The following TBCK variants were observed in gnomAD, a reference collection of about 807,000 sequenced individuals.
TBCK encodes the protein TBC domain-containing protein kinase-like protein.
In TBCK, 99 loss-of-function variants were observed where a neutral mutation model predicts 113.4. The observed-to-expected ratio is 0.87, with a 90% confidence interval of 0.74 to 1.03. The LOEUF (loss-of-function observed/expected upper bound fraction) is 1.03, where lower values mean the gene tolerates loss of function less well. Ranked by LOEUF, TBCK falls within the 50% of genes least tolerant of loss-of-function variation. The probability of loss-of-function intolerance (pLI) is 0.00; values close to 1 mark genes in which losing one functional copy is unlikely to be tolerated. For missense variants in TBCK, 1,045 were observed against 1,061.3 expected (o/e 0.98, Z 0.21); for synonymous variants, 369 against 370.8 (o/e 1.00, Z 0.05).
chr4:106,170,944 G>A, intron 23 of TBCK, 151 bp downstream of exon 23: 1 of 608,702 alleles, frequency 1.6e-6, no homozygotes, highest in Non-Finnish European at 2.6e-6. Context: ...TGGTTTTCTG[G>A]AATATTTCTA....
At chr4:106,051,256 A>G (rs1316785367) in intron 25 of TBCK, among the ~76,000 whole-genome samples, 1 of 151,868 alleles carries the variant, frequency 6.6e-6, no homozygotes, top group Non-Finnish European at 1.5e-5. Flanking sequence ...GGAAACTAAG[A>G]AAGTTTGGGG....
chr4:106,056,772 A>T (rs1209620174), intron 25 of TBCK, among the ~76,000 whole-genome samples: 1 of 150,454 alleles, frequency 6.6e-6, no homozygotes, highest in Non-Finnish European at 1.5e-5. Flanking sequence ...GTCCTTAAGC[A>T]AAGTAAGTCA....
chr4:106,287,928 T>C (rs1350042292), intron 3 of TBCK, among the ~76,000 whole-genome samples: 1 of 152,100 alleles, frequency 6.6e-6, no homozygotes, highest in African/African-American at 2.4e-5. Context: ...TTTATTGTTG[T>C]TTTAAGCCAC....
chr4:106,242,591 T>G, intron 11 of TBCK, 22 bp from the exon 12 acceptor site: 155 of 1,471,042 alleles, frequency 1.1e-4, no homozygotes, highest in Non-Finnish European at 1.4e-4. Flanking sequence ...TTTTTAAAAA[T>G]AATATGTACA....
intron 22 of TBCK, among the ~76,000 whole-genome samples, chr4:106,187,510 A>G (rs1338010440): frequency 6.6e-6 from 1 of 151,676 alleles, no homozygotes; most frequent in African/African-American, 2.4e-5. Context: ...TCTGCTTCCC[A>G]GGTTCAAGCT....
At chr4:106,112,841 A>C (rs1434093255) in intron 24 of TBCK, among the ~76,000 whole-genome samples, 2 of 152,186 alleles carry the variant, frequency 1.3e-5, no homozygotes, top group African/African-American at 4.8e-5. Flanking sequence ...TTTTTCCACC[A>C]AAACTGGAGA....
At chr4:106,314,774 G>A (rs1355460577) in intron 1 of TBCK, among the ~76,000 whole-genome samples, 9 of 151,400 alleles carry the variant, frequency 5.9e-5, no homozygotes, top group African/African-American at 1.9e-4. Context: ...ACAGGCGCCC[G>A]CCACCACGCC....
chr4:106,119,703 C>T (rs2149580282), intron 23 of TBCK, among the ~76,000 whole-genome samples: 1 of 152,178 alleles, frequency 6.6e-6, no homozygotes, highest in South Asian at 2.1e-4. Flanking sequence ...GCAAAGAAAA[C>T]AATAAACTCA....
intron 2 of TBCK, among the ~76,000 whole-genome samples, chr4:106,307,174 A>G (rs1053764735): frequency 6.6e-6 from 1 of 152,132 alleles, no homozygotes; most frequent in African/African-American, 2.4e-5. Context: ...ACAATCTTTC[A>G]AAAAATAATA....
At chr4:106,272,962 C>T (rs960242066) in intron 3 of TBCK, among the ~76,000 whole-genome samples, 1 of 152,126 alleles carries the variant, frequency 6.6e-6, no homozygotes, top group African/African-American at 2.4e-5. Context: ...CATTGAATAA[C>T]CTGGTATTTC....
chr4:106,305,522 T>G (rs1767425599), intron 2 of TBCK, among the ~76,000 whole-genome samples: 1 of 151,944 alleles, frequency 6.6e-6, no homozygotes, highest in African/African-American at 2.4e-5. Context: ...TATATATTTT[T>G]TATTATTTCT....
In TBCK at chr4:106,118,479, G is replaced by A. The variant is rs531701602; in HGVS notation, c.2236-2101C>T. Among the ~76,000 whole-genome samples, 4 of 152,282 alleles carry A rather than the reference G, an allele frequency of 2.6e-5. No individual in the cohort carries two copies. The East Asian group carries it at 7.7e-4, about 29-fold the overall frequency. On this transcript the variant is annotated intron_variant, in intron 23 of 25. Coordinates refer to ENST00000394708, the MANE Select transcript of TBCK (RefSeq NM_001163435.3). ...AGAATTAAAGCTACTTAAACATCCT[G>A]AAATTAAAAGTGCTTCAGAAAGATT...
intron 22 of TBCK, among the ~76,000 whole-genome samples, chr4:106,180,678 C>T (rs1323989043): frequency 6.6e-6 from 1 of 152,070 alleles, no homozygotes; most frequent in Non-Finnish European, 1.5e-5. Context: ...TGATGGTTTC[C>T]AGCTTCATCC....
chr4:106,216,343 A>G (rs573930637), intron 19 of TBCK, among the ~76,000 whole-genome samples: 1 of 152,110 alleles, frequency 6.6e-6, no homozygotes, highest in South Asian at 2.1e-4. Context: ...AAAAGCTAGC[A>G]GAAGGCAAGA....
intron 5 of TBCK, among the ~76,000 whole-genome samples, chr4:106,255,450 G>A (rs1024400340): frequency 2.6e-5 from 4 of 152,246 alleles, no homozygotes; most frequent in African/African-American, 9.6e-5. Flanking sequence ...CACACTGGCT[G>A]TGGCATGGCA....
At chr4:106,072,615 T>C (rs1261359811) in intron 25 of TBCK, among the ~76,000 whole-genome samples, 2 of 152,204 alleles carry the variant, frequency 1.3e-5, no homozygotes, top group African/African-American at 2.4e-5. Flanking sequence ...TAGTGTTCTC[T>C]GTATCTTCTG....
At chr4:106,194,881 A>G in intron 20 of TBCK, 127 bp from the exon 21 acceptor site, 1 of 875,398 alleles carries the variant, frequency 1.1e-6, no homozygotes, top group Non-Finnish European at 1.7e-6. Context: ...TGGTTAAAAT[A>G]AAAGAGAATG....
Position 106,052,270 on chromosome 4 carries a change from C to T in TBCK, c.2572-5590G>A, listed in dbSNP as rs113482591. Among the ~76,000 whole-genome samples the T allele has an allele frequency of 8.6e-4, 130 of 151,720 alleles. 3 individuals are homozygous for T. The highest frequency in any genetic ancestry group is 8.3e-3 in the South Asian group (40 of 4,816). On this transcript the variant is annotated intron_variant, in intron 25 of 25. Transcript: ENST00000394708. ...GCACAGGCCAGTAATCATTTTATAC[C>T]CTACCATAGGCACTTGTGACAAGGA...
chr4:106,286,363 A>C (rs1174252174), intron 3 of TBCK, among the ~76,000 whole-genome samples: 1 of 152,206 alleles, frequency 6.6e-6, no homozygotes, highest in Non-Finnish European at 1.5e-5. Context: ...AAAATCATTG[A>C]AGAAACCACT....
Sources: gnomAD v4.1 joint callset for allele counts (sites outside exome capture counted in the v4.1 genomes callset) on GRCh38, gnomAD v4.1.1 for gene constraint, MANE v1.5 for transcripts, NCBI Gene and HGNC (gene_info 2026-07-23, HGNC 2026-07-21) for gene names.